The following HIVEP3 variants were observed in gnomAD, a reference collection of about 807,000 sequenced individuals.
HIVEP3 encodes transcription factor HIVEP3.
A neutral mutation model predicts 152.8 loss-of-function variants in HIVEP3; 49 were observed. That is an observed-to-expected ratio of 0.32 (90% CI 0.26 to 0.41). HIVEP3 has a LOEUF of 0.41. Ranked by LOEUF, HIVEP3 falls within the 10% of genes least tolerant of loss-of-function variation. HIVEP3 has a pLI of 1.00. For synonymous variants in HIVEP3, 1,269 were observed against 1,289.0 expected (o/e 0.98, Z 0.33); for missense variants, 2,790 against 3,103.3 (o/e 0.90, Z 2.40).
intron 2 of HIVEP3, among the ~76,000 whole-genome samples, chr1:41,631,831 T>A (rs1331959578): frequency 6.6e-6 from 1 of 152,192 alleles, no homozygotes; most frequent in Non-Finnish European, 1.5e-5. Flanking sequence ...AAAATGGCCG[T>A]GCTCTCTTCC....
At chr1:41,767,728 T>C (rs1051110094) in intron 1 of HIVEP3, among the ~76,000 whole-genome samples, 1 of 152,242 alleles carries the variant, frequency 6.6e-6, no homozygotes, top group Non-Finnish European at 1.5e-5. Flanking sequence ...CTTATCTGCA[T>C]ATAGTGCCTG....
chr1:41,697,910 C>G (rs566476723), intron 2 of HIVEP3, among the ~76,000 whole-genome samples: 5 of 152,286 alleles, frequency 3.3e-5, no homozygotes, highest in African/African-American at 1.2e-4. Context: ...CAGGGTCATT[C>G]AAGCATAGAC....
intron 2 of HIVEP3, among the ~76,000 whole-genome samples, chr1:41,665,903 C>G (rs1472361195): frequency 6.6e-6 from 1 of 152,108 alleles, no homozygotes; most frequent in Non-Finnish European, 1.5e-5. Context: ...AATTTTGGAA[C>G]CCACTGTTGC....
At chr1:41,559,710 T>G (rs1644027169) in intron 5 of HIVEP3, among the ~76,000 whole-genome samples, 1 of 152,166 alleles carries the variant, frequency 6.6e-6, no homozygotes, top group Admixed American at 6.5e-5. Context: ...AGATGCTGGC[T>G]TCCATCATTA....
chr1:41,668,620 C>T (rs182782046), intron 2 of HIVEP3, among the ~76,000 whole-genome samples: 6 of 152,330 alleles, frequency 3.9e-5, no homozygotes, highest in African/African-American at 1.4e-4. Flanking sequence ...ACCTGGCATG[C>T]CCTTCCTCCT....
intron 1 of HIVEP3, among the ~76,000 whole-genome samples, chr1:41,842,795 G>GC (rs1164793502): frequency 6.6e-6 from 1 of 151,992 alleles, no homozygotes; most frequent in African/African-American, 2.4e-5. Context: ...AGCTCTTTTT[G>GC]CCCCCCGCTT....
In HIVEP3 at chr1:41,604,327, C is replaced by A. The variant is rs550190181; in HGVS notation, c.-521-19009G>T. On this transcript the variant is annotated intron_variant, in intron 3 of 8. Coordinates refer to ENST00000372583, the MANE Select transcript of HIVEP3 (RefSeq NM_024503.5). The stretch of plus-strand genomic sequence containing the variant: ...AATAAATTGTGGTATATTCATATAA[C>A]AATTATACATAGTAATAAAAAAGAA... 9.2e-5 allele frequency among the ~76,000 whole-genome samples: 14 copies of A among 152,168 alleles called. 1 individual carries two copies. In the South Asian group the frequency reaches 2.9e-3, roughly 32 times the overall value.
chr1:41,684,021 T>G (rs1359024756), intron 2 of HIVEP3, among the ~76,000 whole-genome samples: 1 of 152,198 alleles, frequency 6.6e-6, no homozygotes, highest in Non-Finnish European at 1.5e-5. Context: ...TGTCCTGTCT[T>G]CCAAAAGCAC....
intron 1 of HIVEP3, among the ~76,000 whole-genome samples, chr1:42,000,155 C>A (rs1261401270): frequency 6.6e-6 from 1 of 152,166 alleles, no homozygotes; most frequent in Non-Finnish European, 1.5e-5. Context: ...CTGCTTGTAT[C>A]CACTTCTCTT....
intron 1 of HIVEP3, among the ~76,000 whole-genome samples, chr1:41,765,341 C>G (rs1434878559): frequency 1.3e-5 from 2 of 152,204 alleles, no homozygotes; most frequent in African/African-American, 4.8e-5. Flanking sequence ...AAGGTCTCCC[C>G]AGAGAGGGAG....
At position 41,580,760 on chromosome 1, in the gene HIVEP3, G is replaced by C; in HGVS notation, c.4038C>G (p.Ser1346=). The change falls in exon 4 of 9, where the codon TCC becomes TCG. Residue 1346 remains serine, a synonymous_variant. Transcript: ENST00000372583. ...GTGCCACAGTTGCTGAGCTGCCTTG[G>C]GACTGGGTGACCAAGATCTGGGAAA... ...TTLSQILVTQ[S]QGSSATVALP... The C allele has an allele frequency of 6.3e-7, 1 of 1,583,576 alleles. No homozygotes were observed. The highest frequency in any genetic ancestry group is 8.6e-7 in the Non-Finnish European group (1 of 1,165,478).
intron 1 of HIVEP3, among the ~76,000 whole-genome samples, chr1:41,995,491 A>C (rs915164312): frequency 6.6e-6 from 1 of 152,234 alleles, no homozygotes; most frequent in African/African-American, 2.4e-5. Flanking sequence ...ACTCTCTAAA[A>C]GAAATTCTGA....
At chr1:41,554,416 T>C (rs1041028803) in intron 5 of HIVEP3, among the ~76,000 whole-genome samples, 2 of 152,232 alleles carry the variant, frequency 1.3e-5, no homozygotes, top group African/African-American at 4.8e-5. Flanking sequence ...TTTAGCTTCC[T>C]TGCGATGGGT....
intron 1 of HIVEP3, among the ~76,000 whole-genome samples, chr1:42,005,159 C>CCTGAT (rs1311510810): frequency 1.3e-5 from 2 of 152,084 alleles, no homozygotes; most frequent in Non-Finnish European, 2.9e-5. Flanking sequence ...ACCCTGTATC[C>CCTGAT]CTGATTCCCC....
chr1:41,674,758 T>C (rs1185706035), intron 2 of HIVEP3, among the ~76,000 whole-genome samples: 1 of 152,222 alleles, frequency 6.6e-6, no homozygotes, highest in Non-Finnish European at 1.5e-5. Flanking sequence ...AGTCCCTTTG[T>C]CTGCAGCCTT....
chr1:41,838,828 T>C (rs1322986085), intron 1 of HIVEP3, among the ~76,000 whole-genome samples: 1 of 152,102 alleles, frequency 6.6e-6, no homozygotes. Flanking sequence ...ATATGCACAA[T>C]TTAGGATTAC....
At chr1:41,830,880 G>A (rs1642945128) in intron 1 of HIVEP3, among the ~76,000 whole-genome samples, 1 of 152,182 alleles carries the variant, frequency 6.6e-6, no homozygotes, top group Non-Finnish European at 1.5e-5. Context: ...GCTCTTGCTG[G>A]AAGCTTCTTA....
At position 41,860,274 on chromosome 1, in the gene HIVEP3, G is replaced by A. The variant is rs77549681; in HGVS notation, c.-801+58139C>T. ...GGGGAATTCCTTAAATCTCCCCCTT[G>A]ACAAGATGGAAAACCTTCGTGGTCA... On this transcript the variant is annotated intron_variant, in intron 1 of 8. Coordinates refer to ENST00000372583, the MANE Select transcript of HIVEP3 (RefSeq NM_024503.5). Among the ~76,000 whole-genome samples the A allele has an allele frequency of 2.6e-3, 396 of 152,276 alleles. 1 individual carries two copies. The highest frequency in any genetic ancestry group is 8.9e-3 in the African/African-American group (371 of 41,566).
chr1:41,546,423 G>T (rs992980513), intron 5 of HIVEP3, among the ~76,000 whole-genome samples: 1 of 152,214 alleles, frequency 6.6e-6, no homozygotes, highest in Non-Finnish European at 1.5e-5. Context: ...GACAGAGAAG[G>T]GTTCCCGAGA....
Sources: allele counts gnomAD v4.1 joint callset (sites outside exome capture counted in the v4.1 genomes callset), GRCh38; gene constraint gnomAD v4.1.1; transcripts MANE v1.5; gene names NCBI Gene and HGNC (gene_info 2026-07-23, HGNC 2026-07-21).